COL18A1: variants seen among roughly 807,000 people sequenced by gnomAD.
COL18A1 encodes the protein collagen alpha-1(XVIII) chain.
A neutral mutation model predicts 168.0 loss-of-function variants in COL18A1; 133 were observed. The observed-to-expected ratio is 0.79, with a 90% confidence interval of 0.69 to 0.91. The LOEUF (loss-of-function observed/expected upper bound fraction) is 0.91, where lower values mean the gene tolerates loss of function less well. COL18A1 is among the 40% of genes least tolerant of loss of function. COL18A1 has a pLI of 0.00. For missense variants in COL18A1, 2,126 were observed against 1,925.4 expected, an observed-to-expected ratio of 1.10 and a Z score of -1.95; for synonymous variants, 949 against 809.0, an observed-to-expected ratio of 1.17 and a Z score of -2.94.
chr21:45,416,492 C>G (rs753270574), intron 2 of COL18A1, among the ~76,000 whole-genome samples: 17 of 152,178 alleles, frequency 1.1e-4, no homozygotes, highest in Admixed American at 2.0e-4. Flanking sequence ...GAAATCCAGG[C>G]CCCTAGGTGT....
At chr21:45,451,263 A>G (rs1319596698) in intron 2 of COL18A1, among the ~76,000 whole-genome samples, 1 of 152,214 alleles carries the variant, frequency 6.6e-6, no homozygotes, top group African/African-American at 2.4e-5. Context: ...GAGGAGACCC[A>G]TTTTCTCATC....
At chr21:45,432,200 G>T (rs1469365866) in intron 2 of COL18A1, among the ~76,000 whole-genome samples, 1 of 152,170 alleles carries the variant, frequency 6.6e-6, no homozygotes, top group South Asian at 2.1e-4. Context: ...CTGGATTTGG[G>T]GGACAGGTGC....
chr21:45,428,025 A>G (rs2033856348), intron 2 of COL18A1, among the ~76,000 whole-genome samples: 2 of 151,532 alleles, frequency 1.3e-5, no homozygotes, highest in Admixed American at 1.3e-4. Context: ...AACGCAGCCT[A>G]CTCCTGCCCA....
chr21:45,451,727 C>A (rs2034627307), intron 2 of COL18A1, among the ~76,000 whole-genome samples: 1 of 152,196 alleles, frequency 6.6e-6, no homozygotes, highest in Admixed American at 6.5e-5. Context: ...GATCTCAGGC[C>A]TCAAGGCAAT....
At chr21:45,415,296 C>G (rs1480173780) in intron 2 of COL18A1, among the ~76,000 whole-genome samples, 5 of 152,190 alleles carry the variant, frequency 3.3e-5, no homozygotes, top group Non-Finnish European at 5.9e-5. Context: ...TTCCTGCACA[C>G]CCAGGGCCAC....
rs1161567275 is a variant in COL18A1, at chr21:45,498,048, G to A, written c.2683+387G>A. On this transcript the variant is annotated intron_variant, in intron 32 of 41. Transcript: ENST00000651438. The surrounding 1 kb of genome is among the most constrained non-coding windows in gnomAD (Gnocchi z 4.5). The stretch of plus-strand genomic sequence containing the variant: ...GTCGAGAAACTCTCCAGGGTTTCAT[G>A]TGGGAAGGAGGCGTTGCCCGACAGG... Among the ~76,000 whole-genome samples the A allele has an allele frequency of 8.5e-5, 13 of 152,176 alleles. No individual in the cohort carries two copies. The highest frequency in any genetic ancestry group is 7.2e-4 in the Admixed American group (11 of 15,290).
At chr21:45,474,453 AGTGTGTCTCTGTGTGTG>A (rs1156568239) in intron 4 of COL18A1, among the ~76,000 whole-genome samples, 1 of 100,686 alleles carries the variant, frequency 9.9e-6, no homozygotes, top group East Asian at 2.8e-4. Context: ...CTCTGTGTGT[AGTGTGTCTCTGTGTGTG>A]GTGTGTCTCT....
chr21:45,503,204 C>CTATT (rs2036958938), intron 32 of COL18A1, among the ~76,000 whole-genome samples: 1 of 152,158 alleles, frequency 6.6e-6, no homozygotes, highest in Admixed American at 6.5e-5. Flanking sequence ...AAAAGTGTTC[C>CTATT]TATTTCTCTA....
chr21:45,463,048 A>G lies in COL18A1; in HGVS notation c.107-5194A>G, dbSNP rs552667169. On this transcript the variant is annotated intron_variant, in intron 2 of 41. Coordinates refer to ENST00000651438, the MANE Select transcript of COL18A1 (RefSeq NM_001379500.1). The surrounding 1 kb of genome is among the most constrained non-coding windows in gnomAD (Gnocchi z 4.0). ...TCCTCTTACATGCTGCTGTTTTTCA[A>G]TGTCCCGTTCTTTCATGTTTGGCTC... 5.8e-4 allele frequency among the ~76,000 whole-genome samples: 88 copies of G among 152,202 alleles called. No homozygotes were observed. The highest frequency in any genetic ancestry group is 1.1e-3 in the Non-Finnish European group (75 of 68,018).
chr21:45,478,080 A>T, intron 8 of COL18A1, 115 bp downstream of exon 8: 1 of 749,958 alleles, frequency 1.3e-6, no homozygotes, highest in East Asian at 2.7e-5. Context: ...GGGGCAGGTC[A>T]GCAGCCTCCT....
chr21:45,480,263 G>C, intron 11 of COL18A1, 107 bp downstream of exon 11: 1 of 1,154,348 alleles, frequency 8.7e-7, no homozygotes, highest in Non-Finnish European at 1.3e-6. Context: ...CTTGCGTGGG[G>C]TCTTGGCTGA....
At chr21:45,445,681 T>G (rs1208500931) in intron 2 of COL18A1, among the ~76,000 whole-genome samples, 1 of 152,298 alleles carries the variant, frequency 6.6e-6, no homozygotes, top group East Asian at 1.9e-4. Flanking sequence ...TGGTTTTCAT[T>G]TGCATTTTCA....
chr21:45,409,582 G>A (rs1602325469), intron 2 of COL18A1, among the ~76,000 whole-genome samples: 1 of 152,150 alleles, frequency 6.6e-6, no homozygotes, highest in Admixed American at 6.5e-5. Flanking sequence ...GGCCAGCACT[G>A]GGCGGTCACA....
Position 45,468,766 on chromosome 21 carries a change from G to A in COL18A1, c.631G>A (p.Ala211Thr), listed in dbSNP as rs776163954. 9 of 1,601,816 alleles carry A rather than the reference G, an allele frequency of 5.6e-6. No individual in the cohort carries two copies. Among genetic ancestry groups the A allele is most frequent in the East Asian group, 4.5e-5 (2 of 44,810 alleles). ...AGLFVAQAGG[A>T]DPDKFQGVIA... The stretch of plus-strand genomic sequence containing the variant: ...GCTCTTCGTGGCTCAGGCGGGGGGA[G>A]CGGACCCTGACAAGTTCCAGGTAAC... The change falls in exon 3 of 42, where the codon GCG becomes ACG. Residue 211 changes from alanine to threonine, a missense_variant. Coordinates refer to ENST00000651438, the MANE Select transcript of COL18A1 (RefSeq NM_001379500.1).
chr21:45,455,508 G>T, intron 2 of COL18A1: 1 of 1,610,804 alleles, frequency 6.2e-7, no homozygotes, highest in Non-Finnish European at 8.5e-7. Context: ...CCCGCCGCCC[G>T]CAGCTCCAGC....
intron 2 of COL18A1, among the ~76,000 whole-genome samples, chr21:45,466,842 C>T (rs114900877): frequency 0.011 from 1,603 of 152,324 alleles, 29 homozygotes; most frequent in African/African-American, 0.036. Flanking sequence ...AAGGTGAACG[C>T]GGGGGCAGCT....
At chr21:45,458,381 C>T (rs2034920954) in intron 2 of COL18A1, among the ~76,000 whole-genome samples, 1 of 151,216 alleles carries the variant, frequency 6.6e-6, no homozygotes, top group Non-Finnish European at 1.5e-5. Context: ...CGGCTGTTGG[C>T]ATCTCATAGG....
intron 2 of COL18A1, among the ~76,000 whole-genome samples, chr21:45,461,669 C>T (rs1488061904): frequency 1.3e-5 from 2 of 152,332 alleles, no homozygotes; most frequent in Non-Finnish European, 2.9e-5. Context: ...CCCCTGACAA[C>T]CACCATTCTA....
chr21:45,462,291 A>G (rs1449302046), intron 2 of COL18A1, among the ~76,000 whole-genome samples: 4 of 152,044 alleles, frequency 2.6e-5, no homozygotes, highest in Non-Finnish European at 5.9e-5. Flanking sequence ...AACTGTTTAT[A>G]TTCATGTCTC....
Sources: gnomAD v4.1 joint callset for allele counts (sites outside exome capture counted in the v4.1 genomes callset) on GRCh38, gnomAD v4.1.1 for gene constraint, Gnocchi (gnomAD v3.1) non-coding constraint, MANE v1.5 for transcripts, NCBI Gene and HGNC (gene_info 2026-07-23, HGNC 2026-07-21) for gene names.